PCID2: variants seen among roughly 807,000 people sequenced by gnomAD.
PCID2 encodes PCI domain containing 2.
A neutral mutation model predicts 61.3 loss-of-function variants in PCID2; 41 were observed. The ratio of observed to expected loss-of-function variants is 0.67; its 90% CI spans 0.52 to 0.87. The LOEUF (loss-of-function observed/expected upper bound fraction) is 0.87. Among genes scored for constraint, PCID2 ranks in the 40% least tolerant of loss-of-function variants. The pLI is 0.00. For missense variants in PCID2, 392 were observed against 493.4 expected, an observed-to-expected ratio of 0.79 and a Z score of 1.95; for synonymous variants, 187 against 177.8, an observed-to-expected ratio of 1.05 and a Z score of -0.41.
chr13:113,202,318 T>C (rs1036735578), intron 1 of PCID2, among the ~76,000 whole-genome samples: 1 of 152,150 alleles, frequency 6.6e-6, no homozygotes, highest in East Asian at 1.9e-4. Flanking sequence ...AAGACTAACT[T>C]CCATGATAAG....
Position 113,198,331 on chromosome 13 carries a change from AAG to A in PCID2, c.127-69_127-68del, listed in dbSNP as rs1176279686. 5.4e-6 allele frequency: 5 copies of A among 921,478 alleles called. No homozygotes were observed. In the African/African-American group the frequency reaches 8.3e-5, roughly 15 times the overall value. 57.1% of individuals were successfully genotyped at this position (921,478 alleles called of 1,614,324 possible). A position where few individuals can be genotyped will look rare whatever the true frequency, so the allele number is the denominator to read the frequency against. On this transcript the variant is annotated intron_variant, in intron 2 of 13. Transcript: ENST00000337344. ...GCACAGAAAGAATGCAACATATAGA[AAG>A]AGATTTAAACCTCTGTTTCAAGAGA...
chr13:113,175,778 C>T (rs980208570), downstream of PCID2, among the ~76,000 whole-genome samples: 1 of 152,210 alleles, frequency 6.6e-6, no homozygotes, highest in African/African-American at 2.4e-5. Flanking sequence ...CTCGCGTGTA[C>T]GTGTGGCAGT....
At chr13:113,195,184 A>C (rs559576129) in intron 5 of PCID2, 59 bp from the exon 6 acceptor site, 5 of 1,020,680 alleles carry the variant, frequency 4.9e-6, no homozygotes, top group South Asian at 3.8e-5. Flanking sequence ...TTCCATCCCC[A>C]GAGGTGGGAA....
chr13:113,171,878 G>C, the PCID2 span: 2 of 1,613,712 alleles, frequency 1.2e-6, no homozygotes, highest in East Asian at 4.5e-5. This position sits in a 1 kb window ranked among gnomAD's most constrained non-coding sequence, Gnocchi z 5.1. Context: ...GGAGGGGGAG[G>C]AGTGCGGGCA....
intron 2 of PCID2, among the ~76,000 whole-genome samples, chr13:113,198,797 C>T (rs373357337): frequency 1.7e-4 from 26 of 152,322 alleles, no homozygotes; most frequent in African/African-American, 6.0e-4. Context: ...AATTTGGTCT[C>T]GCCTTCTGCA....
intron 2 of PCID2, among the ~76,000 whole-genome samples, chr13:113,199,429 T>C (rs951962194): frequency 1.3e-5 from 2 of 152,234 alleles, no homozygotes; most frequent in Admixed American, 6.5e-5. Context: ...CTGCGTTTTT[T>C]TGTTTTGTTT....
At chr13:113,180,117 G>T in intron 11 of PCID2, 41 bp downstream of exon 11, 3 of 1,613,198 alleles carry the variant, frequency 1.9e-6, no homozygotes, top group South Asian at 2.2e-5. Context: ...CATCAGGCTT[G>T]CATTTTTAAA....
downstream of PCID2, among the ~76,000 whole-genome samples, chr13:113,176,015 T>C (rs34201467): frequency 0.13 from 20,066 of 152,232 alleles, 1,715 homozygotes; most frequent in Middle Eastern, 0.29. Flanking sequence ...GCCCACAAGC[T>C]TCCCCGCCCA....
At position 113,179,123 on chromosome 13, in the gene PCID2, C is replaced by G; in HGVS notation, c.987-34G>C. 6.2e-7 allele frequency: 1 copy of G among 1,600,770 alleles called. No individual in the cohort carries two copies. Among genetic ancestry groups the G allele is most frequent in the African/African-American group, 1.3e-5 (1 of 74,558 alleles). ...GGGGAGGAGAAGGGCACTGTGGTTA[C>G]CGACAGGATGCAATACTCCACAGCC... On this transcript the variant is annotated intron_variant, in intron 12 of 13. Coordinates refer to ENST00000337344, the MANE Select transcript of PCID2 (RefSeq NM_001127202.4). This position sits in a 1 kb window ranked among gnomAD's most constrained non-coding sequence, Gnocchi z 4.3.
At chr13:113,174,907 G>A (rs1422629966), downstream of PCID2, among the ~76,000 whole-genome samples, 1 of 152,226 alleles carries the variant, frequency 6.6e-6, no homozygotes, top group African/African-American at 2.4e-5. Context: ...CTTGAATGCT[G>A]CCATGCTGGA....
chr13:113,172,994 T>G (rs144333411), downstream of PCID2, among the ~76,000 whole-genome samples: 1 of 152,284 alleles, frequency 6.6e-6, no homozygotes, highest in East Asian at 1.9e-4. Flanking sequence ...GGTGGGGCCC[T>G]TGGGAGGTGA....
intron 1 of PCID2, among the ~76,000 whole-genome samples, chr13:113,202,153 A>G (rs536748633): frequency 9.2e-5 from 14 of 152,356 alleles, no homozygotes; most frequent in Non-Finnish European, 1.6e-4. Flanking sequence ...TAAAGCAAGC[A>G]AACGCCTACT....
chr13:113,199,840 C>T (rs1006282487), intron 2 of PCID2, among the ~76,000 whole-genome samples: 34 of 152,104 alleles, frequency 2.2e-4, no homozygotes, highest in African/African-American at 7.7e-4. Flanking sequence ...GTCTGTACAC[C>T]GCCAAACATA....
At chr13:113,171,171 C>G in the PCID2 span, among the ~76,000 whole-genome samples, 1 of 152,216 alleles carries the variant, frequency 6.6e-6, no homozygotes, top group South Asian at 2.1e-4. This position sits in a 1 kb window ranked among gnomAD's most constrained non-coding sequence, Gnocchi z 5.1. Context: ...GATCGACCTG[C>G]CTCGGCCTCC....
At position 113,179,181 on chromosome 13, in the gene PCID2, T is replaced by A; in HGVS notation, c.987-92A>T. On this transcript the variant is annotated intron_variant, in intron 12 of 13. Coordinates refer to ENST00000337344, the MANE Select transcript of PCID2 (RefSeq NM_001127202.4). This position sits in a 1 kb window ranked among gnomAD's most constrained non-coding sequence, Gnocchi z 4.3. ...GGCACCTCTTAATAAGCCGGTGTTC[T>A]AAAGGAGTAAAAAAATTCCCACCTA... is the stretch of plus-strand genomic sequence containing the variant. The A allele has an allele frequency of 1.7e-6, 2 of 1,147,606 alleles. No homozygotes were observed. The highest frequency in any genetic ancestry group is 2.5e-6 in the Non-Finnish European group (2 of 813,110). The allele number at this position is 1,147,606 out of a possible 1,614,324, so 71.1% of individuals were successfully genotyped here.
intron 6 of PCID2, among the ~76,000 whole-genome samples, chr13:113,194,124 G>C (rs2038825364): frequency 6.6e-6 from 1 of 152,164 alleles, no homozygotes; most frequent in Non-Finnish European, 1.5e-5. Context: ...GGTGGGGAGG[G>C]GGACTAGCTC....
chr13:113,191,842 A>G (rs969490062), intron 6 of PCID2, among the ~76,000 whole-genome samples: 42 of 152,220 alleles, frequency 2.8e-4, no homozygotes, highest in African/African-American at 9.2e-4. Context: ...GCAATAGGTA[A>G]AATGCTGGAG....
chr13:113,190,004 C>T (rs1212626439), intron 7 of PCID2, among the ~76,000 whole-genome samples: 1 of 131,230 alleles, frequency 7.6e-6, no homozygotes, highest in African/African-American at 2.8e-5. Flanking sequence ...GCCTGGGCGA[C>T]AGAGCAAGAG....
At chr13:113,178,604 GAGTATTTTA>G in intron 13 of PCID2, 1 of 357,126 alleles carries the variant, frequency 2.8e-6, no homozygotes, top group Non-Finnish European at 5.2e-6. Flanking sequence ...ACAGTGCACT[GAGTATTTTA>G]AGTAACCTAG....
Sources: allele counts gnomAD v4.1 joint callset (sites outside exome capture counted in the v4.1 genomes callset), GRCh38; gene constraint gnomAD v4.1.1; non-coding constraint Gnocchi (gnomAD v3.1); transcripts MANE v1.5; gene names NCBI Gene and HGNC (gene_info 2026-07-23, HGNC 2026-07-21).